The following SLTM variants were observed in gnomAD, a reference collection of about 807,000 sequenced individuals.
The protein encoded by SLTM is SAFB-like transcription modulator.
Under a neutral mutation model 134.6 loss-of-function variants are expected in SLTM, and 43 were observed. The ratio of observed to expected loss-of-function variants is 0.32; its 90% CI spans 0.25 to 0.41. SLTM has a LOEUF of 0.41. SLTM is among the 10% of genes least tolerant of loss of function. SLTM has a pLI of 1.00. For synonymous variants in SLTM, 424 were observed against 432.3 expected, an observed-to-expected ratio of 0.98 and a Z score of 0.24; for missense variants, 1,055 against 1,288.8, an observed-to-expected ratio of 0.82 and a Z score of 2.78.
chr15:58,902,391 T>TG (rs1474095418), intron 5 of SLTM, among the ~76,000 whole-genome samples: 1 of 145,730 alleles, frequency 6.9e-6, no homozygotes, highest in Admixed American at 6.7e-5. Context: ...TTTTGATTGT[T>TG]TTTTTTTTTT....
intron 3 of SLTM, among the ~76,000 whole-genome samples, chr15:58,915,059 G>A (rs533715744): frequency 2.0e-5 from 3 of 152,088 alleles, no homozygotes; most frequent in African/African-American, 4.8e-5. Flanking sequence ...GGCCTGGTGC[G>A]GTAAGCCGGT....
In SLTM at chr15:58,899,964, T is replaced by C. The variant is rs371211277; in HGVS notation, c.590-27A>G. The stretch of plus-strand genomic sequence containing the variant: ...TAAGAGGATTTAACAGGAATAAATA[T>C]GGCAAAACAAGAAGTTTAAACAATT... On this transcript the variant is annotated intron_variant, in intron 6 of 20. Transcript: ENST00000380516. This position sits in a 1 kb window ranked among gnomAD's most constrained non-coding sequence, Gnocchi z 5.0. 17 of 1,544,590 alleles carry C rather than the reference T, an allele frequency of 1.1e-5. No homozygotes were observed. The highest frequency in any genetic ancestry group is 8.3e-5 in the African/African-American group (6 of 72,280).
chr15:58,890,996 C>T lies in SLTM; in HGVS notation c.1899-535G>A, dbSNP rs572398255. On this transcript the variant is annotated intron_variant, in intron 14 of 20. Transcript: ENST00000380516. ...ATGTTTACTATCCTATAATAGATGG[C>T]TCCAGGTAACATGCTTTTCTGAGTC... Among the ~76,000 whole-genome samples the T allele has an allele frequency of 1.5e-4, 23 of 152,286 alleles. No individual in the cohort carries two copies. The East Asian group carries it at 4.2e-3, about 28-fold the overall frequency.
At chr15:58,911,406 A>G (rs1169538185) in intron 5 of SLTM, among the ~76,000 whole-genome samples, 1 of 152,142 alleles carries the variant, frequency 6.6e-6, no homozygotes, top group African/African-American at 2.4e-5. Context: ...AAAGGAACCC[A>G]TATCTCTATT....
rs1437133201 is a variant in SLTM, at chr15:58,888,473, G to A, written c.2287C>T (p.Arg763Cys). ...ARFGHGSDYS[R>C]QQNRFNDFDH... Reference sequence around the variant, plus strand: ...AAGTCATTAAATCTGTTCTGTTGGCGAGAGTAGTCGGATCCATGGCCAAAT... The same window carrying A: ...AAGTCATTAAATCTGTTCTGTTGGCAAGAGTAGTCGGATCCATGGCCAAAT... The change falls in exon 17 of 21, where the codon CGC becomes TGC. Residue 763 changes from arginine to cysteine, a missense_variant. Transcript: ENST00000380516. The A allele has an allele frequency of 4.3e-6, 7 of 1,613,882 alleles. No individual in the cohort carries two copies. The highest frequency in any genetic ancestry group is 5.9e-6 in the Non-Finnish European group (7 of 1,179,976).
intron 2 of SLTM, among the ~76,000 whole-genome samples, chr15:58,922,659 T>TA (rs370927963): frequency 6.8e-6 from 1 of 147,390 alleles, no homozygotes; most frequent in Non-Finnish European, 1.5e-5. Context: ...TATGCGTATA[T>TA]AAAAAATATA....
chr15:58,933,164 G>A lies in SLTM; in HGVS notation c.162+240C>T, dbSNP rs142557073. Among the ~76,000 whole-genome samples, 22 of 151,882 alleles carry A rather than the reference G, an allele frequency of 1.4e-4. No homozygotes were observed. The East Asian group carries it at 4.3e-3, about 29-fold the overall frequency. Reference sequence around the variant, plus strand: ...GGCGGGGACGTCCCGGGGAGGCGGAGGCACGCTGGGCTGCGGTGGCCGGTC... The same window carrying A: ...GGCGGGGACGTCCCGGGGAGGCGGAAGCACGCTGGGCTGCGGTGGCCGGTC... On this transcript the variant is annotated intron_variant, in intron 1 of 20. Transcript: ENST00000380516.
chr15:58,893,294 T>C lies in SLTM; in HGVS notation c.1719A>G (p.Arg573=), dbSNP rs750388819. ...AGAGACTTACTTTCTCATATCTTCC[T>C]CTTCTTGATGGTCTACAATGATCTC... is the stretch of plus-strand genomic sequence containing the variant. ...TKGDHCRPSR[R]GRYEKIHGRS... is the part of the protein sequence containing the mutation. The change falls in exon 13 of 21, where the codon AGA becomes AGG. Residue 573 remains arginine, a synonymous_variant. Coordinates refer to ENST00000380516, the MANE Select transcript of SLTM (RefSeq NM_024755.4). 10 of 1,610,232 alleles carry C rather than the reference T, an allele frequency of 6.2e-6. No individual in the cohort carries two copies. Among genetic ancestry groups the C allele is most frequent in the African/African-American group, 4.0e-5 (3 of 74,860 alleles).
chr15:58,899,702 T>G lies in SLTM; in HGVS notation c.825A>C (p.Glu275Asp). The G allele has an allele frequency of 1.2e-6, 2 of 1,614,182 alleles. No homozygotes were observed. The highest frequency in any genetic ancestry group is 1.1e-5 in the South Asian group (1 of 91,086). ...CCTGCCCATCTTTTGGCTTACTTGCTTCAGAATCTGTAATTTTCACATTTT... is the reference window on the plus strand; with the variant it reads ...CCTGCCCATCTTTTGGCTTACTTGCGTCAGAATCTGTAATTTTCACATTTT... ...TGKNVKITDS[E>D]ASKPKDGQDA... The change falls in exon 7 of 21, where the codon GAA (glutamate) becomes GAC (aspartate). Residue 275 changes from glutamate (E) to aspartate (D), a missense_variant. This residue lies in a region of SLTM where 776 missense variants were observed against 962.2 expected (regional missense o/e 0.81). Coordinates refer to ENST00000380516, the MANE Select transcript of SLTM (RefSeq NM_024755.4). The surrounding 1 kb of genome is among the most constrained non-coding windows in gnomAD (Gnocchi z 5.0).
rs375532741 is a variant in SLTM, at chr15:58,887,325, A to G, written c.2591T>C (p.Ile864Thr). The G allele has an allele frequency of 1.5e-5, 25 of 1,613,666 alleles. No individual in the cohort carries two copies. Among genetic ancestry groups the G allele is most frequent in the Non-Finnish European group, 1.9e-5 (22 of 1,180,002 alleles). ...RTVIIHDRPD[I>T]THPRHPREAG... Reference sequence around the variant, plus strand: ...CTCTCGAGGATGTCTAGGATGAGTGATATCAGGCCTGTCATGAATAATCAC... The same window carrying G: ...CTCTCGAGGATGTCTAGGATGAGTGGTATCAGGCCTGTCATGAATAATCAC... Residue 864 changes from isoleucine (I) to threonine (T), a missense_variant, in exon 18 of 21, where the codon ATC (isoleucine) becomes ACC (threonine). Coordinates refer to ENST00000380516, the MANE Select transcript of SLTM (RefSeq NM_024755.4).
chr15:58,901,464 T>G (rs751101102), intron 5 of SLTM, among the ~76,000 whole-genome samples, 177 bp from the exon 6 acceptor site: 44 of 152,198 alleles, frequency 2.9e-4, no homozygotes, highest in Non-Finnish European at 5.9e-4. Context: ...TGTAGAGAGA[T>G]ATGTGGCACA....
rs757067042 is a variant in SLTM, at chr15:58,898,876, A to G, written c.1059-24T>C. 20 of 1,592,586 alleles carry G rather than the reference A, an allele frequency of 1.3e-5. No homozygotes were observed. The African/African-American group carries it at 2.6e-4, about 21-fold the overall frequency. On this transcript the variant is annotated intron_variant, in intron 7 of 20. Coordinates refer to ENST00000380516, the MANE Select transcript of SLTM (RefSeq NM_024755.4). ...AGCTAAAGAGGCAAATCACCAGAAG[A>G]AAATTGAAAACAAAAACAAAAACAA...
intron 5 of SLTM, among the ~76,000 whole-genome samples, chr15:58,909,294 T>C (rs1221877948): frequency 1.3e-5 from 2 of 152,002 alleles, no homozygotes; most frequent in Non-Finnish European, 2.9e-5. Flanking sequence ...TGGACCAAAA[T>C]ACATTACATA....
intron 2 of SLTM, among the ~76,000 whole-genome samples, chr15:58,928,955 C>G (rs1262283332): frequency 2.6e-5 from 4 of 152,230 alleles, no homozygotes; most frequent in South Asian, 2.1e-4. Context: ...AAACAGAAAG[C>G]ATTTTCTTCT....
chr15:58,891,597 A>G (rs1178120376), intron 14 of SLTM, among the ~76,000 whole-genome samples: 1 of 152,206 alleles, frequency 6.6e-6, no homozygotes. Context: ...CCAATACAAC[A>G]TATTAAATGA....
chr15:58,912,649 T>C, intron 4 of SLTM, 39 bp from the exon 5 acceptor site: 2 of 1,535,590 alleles, frequency 1.3e-6, no homozygotes, highest in Non-Finnish European at 1.8e-6. Context: ...CTTTATAAAA[T>C]ATCGGGGTAA....
intron 5 of SLTM, among the ~76,000 whole-genome samples, chr15:58,907,324 A>T (rs1236749280): frequency 6.6e-6 from 1 of 152,168 alleles, no homozygotes; most frequent in African/African-American, 2.4e-5. Context: ...AATTTTTAAG[A>T]ATAAAAGCAT....
intron 19 of SLTM, among the ~76,000 whole-genome samples, chr15:58,886,736 C>T (rs1000984233): frequency 1.3e-5 from 2 of 152,102 alleles, no homozygotes; most frequent in South Asian, 2.1e-4. Context: ...GAAGTTTAAT[C>T]GAAATGGAGT....
At position 58,899,631 on chromosome 15, in the gene SLTM, A is replaced by G; in HGVS notation, c.896T>C (p.Met299Thr). The change falls in exon 7 of 21, where the codon ATG becomes ACG. Residue 299 changes from methionine to threonine, a missense_variant. By Grantham distance (81) the Met-to-Thr change is moderately conservative. Around this residue, in one of 3 missense-constraint regions of SLTM, gnomAD observed 776 missense variants for 962.2 expected, o/e 0.81. Transcript: ENST00000380516. The surrounding 1 kb of genome is among the most constrained non-coding windows in gnomAD (Gnocchi z 5.0). ...SPEKESKDYE[M>T]NANHKDGKKE... is the part of the protein sequence containing the mutation. ...CTTACCATCTTTATGGTTCGCATTC[A>G]TCTCATAATCCTTGCTTTCCTTCTC... is the stretch of plus-strand genomic sequence containing the variant. 1 of 1,614,038 alleles carries G rather than the reference A, an allele frequency of 6.2e-7. No homozygotes were observed.
Sources: allele counts gnomAD v4.1 joint callset (sites outside exome capture counted in the v4.1 genomes callset), GRCh38; gene constraint gnomAD v4.1.1; regional missense constraint gnomAD v4.1.1; non-coding constraint Gnocchi (gnomAD v3.1); transcripts MANE v1.5; gene names NCBI Gene and HGNC (gene_info 2026-07-23, HGNC 2026-07-21).